Variants in MAL2 observed in about 807,000 individuals in gnomAD.
MAL2 encodes protein MAL2.
MAL2 carries 17 observed loss-of-function variants against 18.1 expected under a neutral mutation model. The ratio of observed to expected loss-of-function variants is 0.94; its 90% CI spans 0.64 to 1.41. The LOEUF is 1.41. Among genes scored for constraint, MAL2 ranks in the 40% most tolerant of loss-of-function variants. The pLI, the probability that MAL2 is intolerant of heterozygous loss-of-function variation, is 0.00. For synonymous variants in MAL2, 102 were observed against 102.3 expected, an observed-to-expected ratio of 1.00 and a Z score of 0.02; for missense variants, 222 against 231.9, an observed-to-expected ratio of 0.96 and a Z score of 0.28.
chr8:119,219,111 G>C (rs1587122434), intron 1 of MAL2, among the ~76,000 whole-genome samples: 1 of 152,244 alleles, frequency 6.6e-6, no homozygotes, highest in South Asian at 2.1e-4. Context: ...TGATAAGGTG[G>C]TGGTTAAATG....
At chr8:119,225,658 T>C (rs894168018) in intron 2 of MAL2, among the ~76,000 whole-genome samples, 1 of 152,230 alleles carries the variant, frequency 6.6e-6, no homozygotes, top group African/African-American at 2.4e-5. Flanking sequence ...CTGGGTCAAA[T>C]GGTATTCCTA....
In MAL2 at chr8:119,221,624, C is replaced by G; in HGVS notation, c.170C>G (p.Ser57Cys). 1.2e-6 allele frequency: 2 copies of G among 1,613,910 alleles called. No homozygotes were observed. The highest frequency in any genetic ancestry group is 1.7e-6 in the Non-Finnish European group (2 of 1,179,840). ...CTTGTCTGGATTTTGGTTGCCTCCT[C>G]CAATGTTCCTCTACCTCTACTACAA... ...GGLVWILVASSNVPLPLLQGW... is the reference protein window; with the variant it reads ...GGLVWILVASCNVPLPLLQGW... The change falls in exon 2 of 4, where the codon TCC becomes TGC. Residue 57 changes from serine (S) to cysteine (C), a missense_variant. Transcript: ENST00000614891.
At chr8:119,237,990 C>T (rs964114546) in intron 2 of MAL2, among the ~76,000 whole-genome samples, 11 of 152,198 alleles carry the variant, frequency 7.2e-5, no homozygotes, top group Non-Finnish European at 1.6e-4. Flanking sequence ...AAGAGGAAGT[C>T]ATATTGTCCC....
chr8:119,219,637 T>C (rs1452669720), intron 1 of MAL2, among the ~76,000 whole-genome samples: 1 of 151,804 alleles, frequency 6.6e-6, no homozygotes, highest in Non-Finnish European at 1.5e-5. Context: ...TAGCCTAAGG[T>C]TTTGTGCTGC....
intron 1 of MAL2, chr8:119,220,967 G>A (rs1022040328): frequency 6.6e-6 from 1 of 152,224 alleles, no homozygotes; most frequent in East Asian, 1.9e-4. Context: ...CATAGTGCCT[G>A]AAATGTAGTA....
intron 1 of MAL2, among the ~76,000 whole-genome samples, chr8:119,216,242 A>C (rs1817351889): frequency 6.6e-6 from 1 of 152,194 alleles, no homozygotes; most frequent in Non-Finnish European, 1.5e-5. Context: ...GATTTTAGGA[A>C]ATCATATGGA....
At chr8:119,242,688 A>G (rs1286576524) in intron 3 of MAL2, among the ~76,000 whole-genome samples, 1 of 152,198 alleles carries the variant, frequency 6.6e-6, no homozygotes, top group Non-Finnish European at 1.5e-5. Context: ...CCTTCCCAGA[A>G]CTGGTTTCCT....
chr8:119,221,866 G>A, intron 2 of MAL2, 109 bp downstream of exon 2: 3 of 1,189,908 alleles, frequency 2.5e-6, no homozygotes, highest in Non-Finnish European at 3.5e-6. Context: ...TGGGAGAGAA[G>A]CGGTCCAACC....
chr8:119,233,040 T>C (rs915922708), intron 2 of MAL2, among the ~76,000 whole-genome samples: 5 of 152,130 alleles, frequency 3.3e-5, no homozygotes, highest in African/African-American at 1.2e-4. Context: ...GGTGTGGTGC[T>C]GAAAAAATGT....
At chr8:119,211,998 A>T (rs983536035) in intron 1 of MAL2, among the ~76,000 whole-genome samples, 1 of 152,190 alleles carries the variant, frequency 6.6e-6, no homozygotes. Context: ...AAGATGTTTA[A>T]ACCCTTCCTC....
intron 2 of MAL2, among the ~76,000 whole-genome samples, chr8:119,234,834 G>C (rs907915340): frequency 6.6e-6 from 1 of 151,722 alleles, no homozygotes; most frequent in African/African-American, 2.4e-5. Context: ...AAGACCAAAA[G>C]TAGATAAAAC....
At position 119,243,550 on chromosome 8, in the gene MAL2, A is replaced by C; in HGVS notation, c.*62A>C. On this transcript the variant is annotated 3_prime_UTR_variant, in exon 4 of 4. Transcript: ENST00000614891. ...CTTGTCTACTTTATATGTCTGATCAATTTGGATACCATTTTGTCCAGATGC... is the reference window on the plus strand; with the variant it reads ...CTTGTCTACTTTATATGTCTGATCACTTTGGATACCATTTTGTCCAGATGC... 1.4e-6 allele frequency: 2 copies of C among 1,411,810 alleles called. No homozygotes were observed. The highest frequency in any genetic ancestry group is 2.9e-5 in the African/African-American group (2 of 69,188). 87.5% of individuals were successfully genotyped at this position (1,411,810 alleles called of 1,614,324 possible). A position where few individuals can be genotyped will look rare whatever the true frequency, so the allele number is the denominator to read the frequency against.
chr8:119,224,534 T>G (rs1280624041), intron 2 of MAL2, among the ~76,000 whole-genome samples: 3 of 152,172 alleles, frequency 2.0e-5, no homozygotes, highest in Non-Finnish European at 4.4e-5. Context: ...AATATATTGG[T>G]TTTTTTAAGA....
chr8:119,240,233 A>G lies in MAL2; in HGVS notation c.372A>G (p.Thr124=), dbSNP rs376878049. The change falls in exon 3 of 4, where the codon ACA becomes ACG. Residue 124 remains threonine (T), a synonymous_variant. Transcript: ENST00000614891. ...FGAFLLEAAA[T]SLHDLHCNTT... ...CCTTTTTATTGGAAGCAGCAGCCAC[A>G]TCCCTGCATGATTTGCATTGCAATA... 4.0e-5 allele frequency: 65 copies of G among 1,613,648 alleles called. No homozygotes were observed. Among genetic ancestry groups the G allele is most frequent in the Non-Finnish European group, 5.3e-5 (62 of 1,179,828 alleles).
intron 2 of MAL2, among the ~76,000 whole-genome samples, chr8:119,233,354 C>CA (rs879886896): frequency 6.6e-5 from 10 of 152,030 alleles, no homozygotes; most frequent in Middle Eastern, 3.2e-3. Flanking sequence ...AATAGAGACA[C>CA]AAAAAACCCT....
intron 2 of MAL2, among the ~76,000 whole-genome samples, chr8:119,222,141 T>TA (rs1817476976): frequency 6.6e-6 from 1 of 152,156 alleles, no homozygotes; most frequent in African/African-American, 2.4e-5. Context: ...TTTAAATATG[T>TA]ATTTTTTTTT....
chr8:119,217,543 G>A (rs1817377352), intron 1 of MAL2, among the ~76,000 whole-genome samples: 1 of 152,146 alleles, frequency 6.6e-6, no homozygotes, highest in African/African-American at 2.4e-5. Flanking sequence ...AAATTGAGGT[G>A]CCTTTGGCTA....
In MAL2 at chr8:119,211,287, C is replaced by T. The variant is rs1489416055; in HGVS notation, c.132+2683C>T. Among the ~76,000 whole-genome samples, 4 of 152,164 alleles carry T rather than the reference C, an allele frequency of 2.6e-5. No homozygotes were observed. In the East Asian group the frequency reaches 7.7e-4, roughly 29 times the overall value. ...CTAAGTGATCTCCATTCTGGGGACC[C>T]ATTATTTTAACCTCTGCCGGTGTTT... On this transcript the variant is annotated intron_variant, in intron 1 of 3. Coordinates refer to ENST00000614891, the MANE Select transcript of MAL2 (RefSeq NM_052886.3).
chr8:119,225,468 T>C (rs1817571022), intron 2 of MAL2, among the ~76,000 whole-genome samples: 1 of 152,252 alleles, frequency 6.6e-6, no homozygotes, highest in South Asian at 2.1e-4. Flanking sequence ...TTTTTATGGC[T>C]GCATAGTATT....
Sources: gnomAD v4.1 joint callset for allele counts (sites outside exome capture counted in the v4.1 genomes callset) on GRCh38, gnomAD v4.1.1 for gene constraint, MANE v1.5 for transcripts, NCBI Gene and HGNC (gene_info 2026-07-23, HGNC 2026-07-21) for gene names.